Variants in TAFA1 observed in about 807,000 individuals in gnomAD.
The protein encoded by TAFA1 is chemokine-like protein TAFA-1.
Under a neutral mutation model 18.5 loss-of-function variants are expected in TAFA1, and 4 were observed. The ratio of observed to expected loss-of-function variants is 0.22; its 90% CI spans 0.11 to 0.49. The LOEUF is 0.49. Ranked by LOEUF, TAFA1 falls within the 20% of genes least tolerant of loss-of-function variation. TAFA1 has a pLI of 0.98. For synonymous variants in TAFA1, 56 were observed against 55.2 expected, an observed-to-expected ratio of 1.01 and a Z score of -0.06; for missense variants, 147 against 169.0, an observed-to-expected ratio of 0.87 and a Z score of 0.72.
intron 3 of TAFA1, among the ~76,000 whole-genome samples, chr3:68,444,913 C>T (rs1236595429): frequency 1.3e-5 from 2 of 151,254 alleles, no homozygotes; most frequent in Admixed American, 1.3e-4. Flanking sequence ...CTTCTGAATG[C>T]CACATTTTGT....
intron 2 of TAFA1, among the ~76,000 whole-genome samples, chr3:68,153,983 T>C (rs2065836495): frequency 6.6e-6 from 1 of 152,188 alleles, no homozygotes; most frequent in African/African-American, 2.4e-5. Context: ...AAAAATCCTA[T>C]GTCAGGCCTT....
intron 3 of TAFA1, among the ~76,000 whole-genome samples, chr3:68,516,035 T>C (rs1201152677): frequency 6.6e-6 from 1 of 152,250 alleles, no homozygotes; most frequent in Non-Finnish European, 1.5e-5. Flanking sequence ...TAAAAGCAGA[T>C]ATATTGGTCT....
chr3:68,350,577 AT>A (rs1469749883), intron 2 of TAFA1, among the ~76,000 whole-genome samples: 1 of 152,134 alleles, frequency 6.6e-6, no homozygotes, highest in African/African-American at 2.4e-5. Flanking sequence ...ACACTATAAA[AT>A]TGCAGAATTG....
intron 2 of TAFA1, among the ~76,000 whole-genome samples, chr3:68,199,646 C>A (rs1241231194): frequency 1.3e-5 from 2 of 151,468 alleles, no homozygotes; most frequent in African/African-American, 4.8e-5. Context: ...TTTCAAATTA[C>A]ACCTGTTTGT....
chr3:68,418,523 A>C, intron 3 of TAFA1, among the ~76,000 whole-genome samples: 1 of 150,962 alleles, frequency 6.6e-6, no homozygotes, highest in Non-Finnish European at 1.5e-5. Flanking sequence ...GTCATCAGTT[A>C]AGGCGGAGCA....
intron 3 of TAFA1, among the ~76,000 whole-genome samples, chr3:68,467,901 C>T (rs947351616): frequency 3.3e-5 from 5 of 152,150 alleles, no homozygotes; most frequent in African/African-American, 1.2e-4. Flanking sequence ...GTAGTTTGAT[C>T]AATGACAGAA....
intron 3 of TAFA1, among the ~76,000 whole-genome samples, chr3:68,481,697 CT>C (rs1395916049): frequency 6.6e-6 from 1 of 152,172 alleles, no homozygotes; most frequent in Non-Finnish European, 1.5e-5. Context: ...TACACAATTC[CT>C]AGCACATAGG....
At chr3:68,535,772 A>G (rs1245016009) in intron 3 of TAFA1, among the ~76,000 whole-genome samples, 2 of 152,242 alleles carry the variant, frequency 1.3e-5, no homozygotes, top group South Asian at 4.1e-4. Flanking sequence ...CTCAGACCAT[A>G]GTAATCTTGG....
chr3:68,319,094 A>G lies in TAFA1; in HGVS notation c.119-98186A>G, dbSNP rs576466124. Among the ~76,000 whole-genome samples, 3 of 152,300 alleles carry G rather than the reference A, an allele frequency of 2.0e-5. No homozygotes were observed. The East Asian group carries it at 5.8e-4, about 29-fold the overall frequency. ...GGGTCCTATTTGGCATATTAAGACT[A>G]TAATTTGGTTCACCTTAAGGACATA... On this transcript the variant is annotated intron_variant, in intron 2 of 4. Coordinates refer to ENST00000478136, the MANE Select transcript of TAFA1 (RefSeq NM_213609.4).
chr3:68,299,156 G>A (rs10470572), intron 2 of TAFA1, among the ~76,000 whole-genome samples: 3,386 of 152,296 alleles, frequency 0.022, 121 homozygotes, highest in African/African-American at 0.077. Flanking sequence ...CACATGTCCA[G>A]GATGGCACTT....
chr3:68,065,616 G>A (rs2106735571), intron 2 of TAFA1, among the ~76,000 whole-genome samples: 1 of 152,138 alleles, frequency 6.6e-6, no homozygotes, highest in Admixed American at 6.6e-5. Flanking sequence ...AAGTGCTGGA[G>A]AGTACAAATT....
At chr3:68,271,595 A>C (rs1351947889) in intron 2 of TAFA1, among the ~76,000 whole-genome samples, 1 of 152,142 alleles carries the variant, frequency 6.6e-6, no homozygotes, top group South Asian at 2.1e-4. Flanking sequence ...AGAGATAGAG[A>C]GTCCCAGGTT....
At chr3:68,338,534 A>G (rs2069016849) in intron 2 of TAFA1, among the ~76,000 whole-genome samples, 1 of 150,200 alleles carries the variant, frequency 6.7e-6, no homozygotes, top group African/African-American at 2.5e-5. Flanking sequence ...CTTTATAATG[A>G]AGCATTTTGT....
intron 2 of TAFA1, among the ~76,000 whole-genome samples, chr3:68,095,648 A>T (rs2065079203): frequency 6.6e-6 from 1 of 152,156 alleles, no homozygotes; most frequent in Non-Finnish European, 1.5e-5. Context: ...TTATCTGGTG[A>T]TGATAATGAT....
intron 2 of TAFA1, among the ~76,000 whole-genome samples, chr3:68,197,741 G>A (rs1338648379): frequency 6.6e-6 from 1 of 151,652 alleles, no homozygotes; most frequent in African/African-American, 2.4e-5. Context: ...AGTACCTTCA[G>A]GCTCAGGCTC....
intron 3 of TAFA1, among the ~76,000 whole-genome samples, chr3:68,533,381 A>G (rs2073219491): frequency 6.6e-6 from 1 of 152,162 alleles, no homozygotes; most frequent in Non-Finnish European, 1.5e-5. Flanking sequence ...TGAGAACAGT[A>G]TGGGGGAAAC....
chr3:68,080,442 T>C (rs1413772617), intron 2 of TAFA1, among the ~76,000 whole-genome samples: 1 of 152,198 alleles, frequency 6.6e-6, no homozygotes, highest in African/African-American at 2.4e-5. Flanking sequence ...GATTTTGCAA[T>C]GGCTGGTACC....
chr3:68,466,309 A>C (rs1340206764), intron 3 of TAFA1, among the ~76,000 whole-genome samples: 1 of 152,166 alleles, frequency 6.6e-6, no homozygotes. Context: ...AATGGAGCAG[A>C]ACTCCCAGCT....
chr3:68,098,636 T>C (rs2065114353), intron 2 of TAFA1, among the ~76,000 whole-genome samples: 1 of 152,052 alleles, frequency 6.6e-6, no homozygotes, highest in African/African-American at 2.4e-5. Flanking sequence ...ATTATTCCAA[T>C]GAAGGGTAGT....
Sources: gnomAD v4.1 joint callset for allele counts (sites outside exome capture counted in the v4.1 genomes callset) on GRCh38, gnomAD v4.1.1 for gene constraint, MANE v1.5 for transcripts, NCBI Gene and HGNC (gene_info 2026-07-23, HGNC 2026-07-21) for gene names.